The following UTP4 variants were observed in gnomAD, a reference collection of about 807,000 sequenced individuals.
UTP4 encodes UTP4 small subunit processome component.
UTP4 carries 45 observed loss-of-function variants against 82.4 expected under a neutral mutation model. The observed-to-expected ratio is 0.55, with a 90% CI of 0.43 to 0.70. The LOEUF is 0.70. Among genes scored for constraint, UTP4 ranks in the 30% least tolerant of loss-of-function variants. The pLI, the probability that UTP4 is intolerant of heterozygous loss-of-function variation, is 0.00. For missense variants in UTP4, 819 were observed against 858.3 expected, an observed-to-expected ratio of 0.95 and a Z score of 0.57; for synonymous variants, 348 against 300.3, an observed-to-expected ratio of 1.16 and a Z score of -1.64.
At chr16:69,164,490 A>G (rs1394455214) in intron 14 of UTP4, among the ~76,000 whole-genome samples, 1 of 151,510 alleles carries the variant, frequency 6.6e-6, no homozygotes. Flanking sequence ...CATTGTGTAA[A>G]TTATCCTAAC....
chr16:69,153,550 C>A (rs775029545), intron 8 of UTP4, 34 bp from the exon 9 acceptor site: 4 of 1,530,144 alleles, frequency 2.6e-6, no homozygotes, highest in Non-Finnish European at 2.7e-6. Flanking sequence ...ATGACCCTGA[C>A]TTATTTTTTT....
At position 69,143,266 on chromosome 16, in the gene UTP4, C is replaced by G. The variant is rs144266389; in HGVS notation, c.615C>G (p.Ser205=). ...KCIVWGVAFL[S]DGTIISVDSA... ...TCGTGTGGGGTGTCGCCTTCTTGTCCGATGGCACTATCATAAGTGTGGACT... is the reference window on the plus strand; with the variant it reads ...TCGTGTGGGGTGTCGCCTTCTTGTCGGATGGCACTATCATAAGTGTGGACT... The change falls in exon 6 of 17, where the codon TCC becomes TCG. Residue 205 remains serine (S), a synonymous_variant. Coordinates refer to ENST00000314423, the MANE Select transcript of UTP4 (RefSeq NM_032830.3). 1 of 1,614,126 alleles carries G rather than the reference C, an allele frequency of 6.2e-7. No homozygotes were observed. Among genetic ancestry groups the G allele is most frequent in the Admixed American group, 1.7e-5 (1 of 60,008 alleles).
At chr16:69,152,701 G>T (rs1331124122) in intron 8 of UTP4, among the ~76,000 whole-genome samples, 1 of 152,062 alleles carries the variant, frequency 6.6e-6, no homozygotes, top group African/African-American at 2.4e-5. Context: ...TTGAACTCCT[G>T]ACCTCAGGTG....
chr16:69,160,964 A>C (rs1444793592), intron 13 of UTP4, among the ~76,000 whole-genome samples: 2 of 152,186 alleles, frequency 1.3e-5, no homozygotes, highest in Admixed American at 1.3e-4. Flanking sequence ...TGGAACCCGG[A>C]AGCTATACTG....
intron 6 of UTP4, among the ~76,000 whole-genome samples, chr16:69,150,036 T>C (rs1405640136): frequency 1.3e-5 from 2 of 152,182 alleles, no homozygotes; most frequent in African/African-American, 4.8e-5. Context: ...CTGATGTTTC[T>C]TGGATATTTT....
chr16:69,154,564 TCTAA>T (rs1963359504), intron 10 of UTP4, 107 bp downstream of exon 10: 1 of 871,152 alleles, frequency 1.1e-6, no homozygotes, highest in South Asian at 1.4e-5. Context: ...TTGTATAAAT[TCTAA>T]AACTATTTGA....
chr16:69,142,324 A>G lies in UTP4; in HGVS notation c.527-854A>G, dbSNP rs1413378916. 3 of 152,940 alleles carry G rather than the reference A, an allele frequency of 2.0e-5. No homozygotes were observed. The East Asian group carries it at 5.8e-4, about 29-fold the overall frequency. The allele number at this position is 152,940 out of a possible 1,614,324, so 9.5% of individuals were successfully genotyped here. ...GGTGAGTATTGGCCTGGCTATCAGCATTCTAAGGGGAAAAAAAAGAATGGT... is the reference window on the plus strand; with the variant it reads ...GGTGAGTATTGGCCTGGCTATCAGCGTTCTAAGGGGAAAAAAAAGAATGGT... On this transcript the variant is annotated intron_variant, in intron 5 of 16. Transcript: ENST00000314423.
chr16:69,159,018 C>T (rs1963497777), intron 12 of UTP4, among the ~76,000 whole-genome samples: 1 of 152,034 alleles, frequency 6.6e-6, no homozygotes, highest in Non-Finnish European at 1.5e-5. Flanking sequence ...TAAAGATATG[C>T]TTCAAGTCTA....
chr16:69,146,565 A>G (rs1348078004), intron 6 of UTP4, among the ~76,000 whole-genome samples: 2 of 152,162 alleles, frequency 1.3e-5, no homozygotes, highest in Non-Finnish European at 2.9e-5. Context: ...GCTGTTGTAA[A>G]TAATGCTGCT....
In UTP4 at chr16:69,164,313, A is replaced by G. The variant is rs551895168; in HGVS notation, c.1648-1028A>G. Among the ~76,000 whole-genome samples, 24 of 152,250 alleles carry G rather than the reference A, an allele frequency of 1.6e-4. 1 individual carries two copies. In the South Asian group the frequency reaches 1.7e-3, roughly 11 times the overall value. ...GAAGCCACACATCTTTGCCTTTGTC[A>G]CACATAATGATAATTTCCCCCATGA... On this transcript the variant is annotated intron_variant, in intron 14 of 16. Transcript: ENST00000314423.
At chr16:69,156,029 A>G (rs1274725831) in intron 11 of UTP4, 36 bp downstream of exon 11, 2 of 1,607,082 alleles carry the variant, frequency 1.2e-6, no homozygotes. Flanking sequence ...ACATAAGAGG[A>G]AACTTCCTAA....
intron 6 of UTP4, among the ~76,000 whole-genome samples, chr16:69,146,859 C>T (rs141263361): frequency 0.023 from 3,516 of 151,386 alleles, 138 homozygotes; most frequent in African/African-American, 0.079. Context: ...AAAAATTAGC[C>T]GGGTGTGGTG....
intron 11 of UTP4, among the ~76,000 whole-genome samples, chr16:69,156,850 G>A (rs1963428644): frequency 6.6e-6 from 1 of 152,222 alleles, no homozygotes; most frequent in Non-Finnish European, 1.5e-5. Context: ...AAGCTTTTCT[G>A]TTTAGTGGTT....
At chr16:69,152,529 G>A (rs927220296) in intron 8 of UTP4, among the ~76,000 whole-genome samples, 3 of 145,584 alleles carry the variant, frequency 2.1e-5, no homozygotes, top group Middle Eastern at 3.5e-3. Flanking sequence ...GAGTGTAGTA[G>A]TGAAATCTCG....
intron 16 of UTP4, 124 bp from the exon 17 acceptor site, chr16:69,168,697 T>A: frequency 1.3e-6 from 1 of 760,998 alleles, no homozygotes; most frequent in Middle Eastern, 2.4e-4. Flanking sequence ...GTCAAGAAAT[T>A]TAAATCATTT....
At chr16:69,135,014 C>G (rs1479601172) in intron 2 of UTP4, among the ~76,000 whole-genome samples, 1 of 145,212 alleles carries the variant, frequency 6.9e-6, no homozygotes, top group Non-Finnish European at 1.5e-5. Flanking sequence ...TCTTGTTCTT[C>G]TTCTTTTTTT....
chr16:69,138,816 A>G (rs1962880979), intron 4 of UTP4, among the ~76,000 whole-genome samples: 1 of 152,172 alleles, frequency 6.6e-6, no homozygotes, highest in Non-Finnish European at 1.5e-5. Flanking sequence ...ATTTACAAAA[A>G]CAAGCAGTGG....
At chr16:69,140,449 C>T (rs1207169124) in intron 5 of UTP4, among the ~76,000 whole-genome samples, 6 of 152,148 alleles carry the variant, frequency 3.9e-5, no homozygotes, top group Admixed American at 3.9e-4. Context: ...GGCGCGGTGG[C>T]TCATGCCTGT....
chr16:69,151,856 T>G (rs1315215843), intron 8 of UTP4, among the ~76,000 whole-genome samples: 1 of 151,570 alleles, frequency 6.6e-6, no homozygotes, highest in Non-Finnish European at 1.5e-5. Flanking sequence ...CTATTCTGGG[T>G]GGGAGCGGGA....
Sources: gnomAD v4.1 joint callset for allele counts (sites outside exome capture counted in the v4.1 genomes callset) on GRCh38, gnomAD v4.1.1 for gene constraint, MANE v1.5 for transcripts, NCBI Gene and HGNC (gene_info 2026-07-23, HGNC 2026-07-21) for gene names.